The following TENM3 variants were observed in gnomAD, a reference collection of about 807,000 sequenced individuals.
TENM3 encodes the protein teneurin transmembrane protein 3, also known as teneurin-3.
TENM3 carries 63 observed loss-of-function variants against 255.1 expected under a neutral mutation model. The ratio of observed to expected loss-of-function variants is 0.25; its 90% CI spans 0.20 to 0.30. TENM3 has a LOEUF of 0.30. TENM3 is among the 10% of genes least tolerant of loss of function. TENM3 has a pLI of 1.00. For synonymous variants in TENM3, 1,306 were observed against 1,322.3 expected, an observed-to-expected ratio of 0.99 and a Z score of 0.27; for missense variants, 2,929 against 3,461.1, an observed-to-expected ratio of 0.85 and a Z score of 3.86.
rs3071526 is a variant in TENM3, at chr4:182,217,009, C to CTTTTTTTTTTTTTTT, written c.-76+72272_-76+72286dup. On this transcript the variant is annotated intron_variant, in intron 1 of 2. Transcript: ENST00000512480. ...TCTAAATTTCACCATCATTTTCTTTCTTTTTTTTTTTTTTTTTTTTTTTTT... is the reference window on the plus strand; with the variant it reads ...TCTAAATTTCACCATCATTTTCTTTCTTTTTTTTTTTTTTTTTTTTTTTTTTTTTTTTTTTTTTTT... Among the ~76,000 whole-genome samples the CTTTTTTTTTTTTTTT allele has an allele frequency of 2.7e-4, 18 of 67,530 alleles. 2 individuals are homozygous for CTTTTTTTTTTTTTTT. The highest frequency in any genetic ancestry group is 1.8e-3 in the East Asian group (3 of 1,664). 44.3% of individuals were successfully genotyped at this position (67,530 alleles called of 152,430 possible). A position where few individuals can be genotyped will look rare whatever the true frequency, so the allele number is the denominator to read the frequency against.
the TENM3 span, among the ~76,000 whole-genome samples, chr4:181,513,488 A>G: frequency 6.6e-6 from 1 of 152,218 alleles, no homozygotes; most frequent in African/African-American, 2.4e-5. Context: ...GAAAACTCAG[A>G]TAAAAGTAAG....
At chr4:181,673,555 G>A in the TENM3 span, among the ~76,000 whole-genome samples, 2 of 152,072 alleles carry the variant, frequency 1.3e-5, no homozygotes, top group African/African-American at 4.8e-5. Context: ...AGGGGAGAGA[G>A]CAATTGCAAC....
At chr4:181,749,886 A>C in the TENM3 span, among the ~76,000 whole-genome samples, 1 of 152,146 alleles carries the variant, frequency 6.6e-6, no homozygotes, top group Non-Finnish European at 1.5e-5. Flanking sequence ...TTTAAGAACC[A>C]CCCACTTGCC....
intron 4 of TENM3, among the ~76,000 whole-genome samples, chr4:182,627,053 C>T (rs761581169): frequency 4.4e-4 from 67 of 152,114 alleles, no homozygotes; most frequent in Non-Finnish European, 7.4e-4. Context: ...TGACTTTTAC[C>T]GTATCTGTAG....
chr4:182,600,868 C>CATAT lies in TENM3; in HGVS notation c.512-44_512-41dup, dbSNP rs141344153. The CATAT allele has an allele frequency of 0.019, 11,279 of 609,552 alleles. 124 individuals are homozygous for CATAT. Among genetic ancestry groups the CATAT allele is most frequent in the African/African-American group, 0.076 (3,671 of 48,492 alleles). The allele number at this position is 609,552 out of a possible 1,614,324, so 37.8% of individuals were successfully genotyped here. The stretch of plus-strand genomic sequence containing the variant: ...CCAAGAAATTGGTAGTGTGTATATA[C>CATAT]ATATATATATATATAATGAGTTCTC... On this transcript the variant is annotated intron_variant, in intron 3 of 27. Coordinates refer to ENST00000511685, the MANE Select transcript of TENM3 (RefSeq NM_001080477.4).
chr4:182,781,083 C>A (rs1765125505), intron 24 of TENM3, among the ~76,000 whole-genome samples: 1 of 151,920 alleles, frequency 6.6e-6, no homozygotes, highest in Admixed American at 6.6e-5. Context: ...GCCAGAACTT[C>A]CAACACTATG....
chr4:181,879,425 G>C, the TENM3 span, among the ~76,000 whole-genome samples: 1 of 152,016 alleles, frequency 6.6e-6, no homozygotes, highest in African/African-American at 2.4e-5. Context: ...TTGAGCACTG[G>C]AAATTTCTCA....
the TENM3 span, among the ~76,000 whole-genome samples, chr4:181,945,840 A>G: frequency 6.6e-6 from 1 of 152,026 alleles, no homozygotes; most frequent in East Asian, 1.9e-4. Context: ...ATATCAAGAC[A>G]TTTTTCCTAT....
the TENM3 span, among the ~76,000 whole-genome samples, chr4:181,781,110 T>G: frequency 6.6e-6 from 1 of 152,190 alleles, no homozygotes; most frequent in Non-Finnish European, 1.5e-5. Context: ...TGCGGGCTCT[T>G]TTTTGGTTCC....
At chr4:181,550,096 A>C in the TENM3 span, among the ~76,000 whole-genome samples, 2 of 152,212 alleles carry the variant, frequency 1.3e-5, no homozygotes, top group African/African-American at 4.8e-5. Context: ...TAACCTAAAC[A>C]AAAGAGTAAC....
chr4:182,575,472 T>TA (rs1459281900), intron 3 of TENM3, among the ~76,000 whole-genome samples: 12 of 152,306 alleles, frequency 7.9e-5, no homozygotes, highest in Middle Eastern at 3.4e-3. Flanking sequence ...GAAACTGTGT[T>TA]ACGGAAGTAG....
intron 3 of TENM3, among the ~76,000 whole-genome samples, chr4:182,535,917 A>G (rs11132136): frequency 0.02 from 3,119 of 152,246 alleles, 41 homozygotes; most frequent in Middle Eastern, 0.044. Context: ...CTGGCACACA[A>G]TAACCTCTAT....
chr4:181,532,323 G>C, the TENM3 span, among the ~76,000 whole-genome samples: 92 of 152,230 alleles, frequency 6.0e-4, no homozygotes, highest in African/African-American at 2.0e-3. Flanking sequence ...CCAGGATTAG[G>C]ACCCTGCCAG....
At chr4:181,547,557 T>C in the TENM3 span, among the ~76,000 whole-genome samples, 42,679 of 151,944 alleles carry the variant, frequency 0.28, 6,531 homozygotes, top group Admixed American at 0.44. Context: ...TCACACCAAG[T>C]AAAACTGTTG....
chr4:182,346,583 A>G (rs1330611770), intron 2 of TENM3, 68 bp from the exon 3 acceptor site: 12 of 1,384,916 alleles, frequency 8.7e-6, no homozygotes, highest in Non-Finnish European at 1.2e-5. Context: ...CTTAAAAAAA[A>G]AAAAAAGAAA....
At chr4:181,791,841 A>T in the TENM3 span, among the ~76,000 whole-genome samples, 2 of 152,184 alleles carry the variant, frequency 1.3e-5, no homozygotes, top group Non-Finnish European at 2.9e-5. Context: ...TAGTACCAAA[A>T]CATAAGTAGG....
At chr4:182,042,686 C>T in the TENM3 span, among the ~76,000 whole-genome samples, 44,005 of 151,928 alleles carry the variant, frequency 0.29, 8,380 homozygotes, top group African/African-American at 0.55. Context: ...TTGAGTTATA[C>T]GAGCATATTT....
chr4:182,784,637 G>T (rs1469547800), intron 24 of TENM3, among the ~76,000 whole-genome samples: 1 of 151,430 alleles, frequency 6.6e-6, no homozygotes, highest in Non-Finnish European at 1.5e-5. Flanking sequence ...GCAATGGCGG[G>T]CGCCCCTCCC....
chr4:181,911,263 G>T, the TENM3 span, among the ~76,000 whole-genome samples: 3 of 152,128 alleles, frequency 2.0e-5, no homozygotes, highest in African/African-American at 7.2e-5. Flanking sequence ...CCAAAGAAAA[G>T]GTCATCTGGA....
Sources: gnomAD v4.1 joint callset for allele counts (sites outside exome capture counted in the v4.1 genomes callset) on GRCh38, gnomAD v4.1.1 for gene constraint, MANE v1.5 for transcripts, NCBI Gene and HGNC (gene_info 2026-07-23, HGNC 2026-07-21) for gene names.